DLGAP2: variants seen among roughly 807,000 people sequenced by gnomAD.
DLGAP2 encodes disks large-associated protein 2.
In DLGAP2, 26 loss-of-function variants were observed where a neutral mutation model predicts 100.3. That is an observed-to-expected ratio of 0.26 (90% CI 0.19 to 0.36). The LOEUF (loss-of-function observed/expected upper bound fraction) is 0.36, where lower values mean the gene tolerates loss of function less well. DLGAP2 is among the 10% of genes least tolerant of loss of function. DLGAP2 has a pLI of 1.00. For missense variants in DLGAP2, 1,858 were observed against 1,453.2 expected (o/e 1.28, Z -4.53); for synonymous variants, 886 against 630.1 (o/e 1.41, Z -6.08).
intron 2 of DLGAP2, among the ~76,000 whole-genome samples, chr8:1,205,717 C>A (rs996573004): frequency 2.0e-5 from 3 of 152,128 alleles, no homozygotes; most frequent in Non-Finnish European, 2.9e-5. Context: ...AGGTTCTCAG[C>A]GTCTCCATTT....
intron 2 of DLGAP2, among the ~76,000 whole-genome samples, chr8:1,129,247 T>C (rs368146725): frequency 1.4e-4 from 21 of 151,828 alleles, no homozygotes; most frequent in Admixed American, 3.3e-4. Context: ...CTAGTAAATA[T>C]AAAAAATTAG....
At chr8:1,383,334 C>G (rs552805167) in intron 3 of DLGAP2, among the ~76,000 whole-genome samples, 2 of 152,280 alleles carry the variant, frequency 1.3e-5, no homozygotes, top group Non-Finnish European at 2.9e-5. Flanking sequence ...GTGCTGCTGC[C>G]GCCACTTCAT....
At chr8:820,098 A>T (rs1159057357) in intron 1 of DLGAP2, among the ~76,000 whole-genome samples, 2 of 152,246 alleles carry the variant, frequency 1.3e-5, no homozygotes, top group Non-Finnish European at 2.9e-5. Flanking sequence ...TATGTGGGTA[A>T]CATTTTCAAG....
intron 2 of DLGAP2, among the ~76,000 whole-genome samples, chr8:934,460 T>C (rs886430542): frequency 6.6e-6 from 1 of 152,178 alleles, no homozygotes; most frequent in African/African-American, 2.4e-5. Context: ...TCCAGCTCCA[T>C]TGAGTGGGAC....
chr8:1,184,705 G>A (rs1311527553), intron 2 of DLGAP2, among the ~76,000 whole-genome samples: 1 of 152,218 alleles, frequency 6.6e-6, no homozygotes, highest in Non-Finnish European at 1.5e-5. Context: ...GGAGCAGGAG[G>A]AGGCTCAGGG....
intron 4 of DLGAP2, among the ~76,000 whole-genome samples, chr8:1,529,743 G>C (rs554255524): frequency 1.3e-5 from 2 of 152,214 alleles, no homozygotes; most frequent in African/African-American, 4.8e-5. Context: ...CGATATTCAC[G>C]TAGGTTCTTT....
intron 2 of DLGAP2, among the ~76,000 whole-genome samples, chr8:953,745 T>G (rs1025077781): frequency 4.6e-5 from 7 of 151,944 alleles, no homozygotes; most frequent in Admixed American, 1.3e-4. Flanking sequence ...AAGTGCCGAG[T>G]GGAGCTGACG....
At position 960,237 on chromosome 8, in the gene DLGAP2, C is replaced by CTTTTTTTTTTTTTTTTTTTTTTTTTT. The variant is rs71528625; in HGVS notation, c.73+52286_73+52287insTTTTTTTTTTTTTTTTTTTTTTTTTT. On this transcript the variant is annotated intron_variant, in intron 2 of 14. Coordinates refer to ENST00000637795, the MANE Select transcript of DLGAP2 (RefSeq NM_001346810.2). ...TTGGGCAATTATTCCTGAAGTATAT[C>CTTTTTTTTTTTTTTTTTTTTTTTTTT]TTTTTTTTTTTTTTTCCCGAGACAC... is the stretch of plus-strand genomic sequence containing the variant. Among the ~76,000 whole-genome samples, 94 of 44,646 alleles carry CTTTTTTTTTTTTTTTTTTTTTTTTTT rather than the reference C, an allele frequency of 2.1e-3. 38 individuals carry two copies. Among genetic ancestry groups the CTTTTTTTTTTTTTTTTTTTTTTTTTT allele is most frequent in the African/African-American group, 5.8e-3 (66 of 11,362 alleles). The allele number at this position is 44,646 out of a possible 152,430, so 29.3% of individuals were successfully genotyped here. A position where few individuals can be genotyped will look rare whatever the true frequency, so the allele number is the denominator to read the frequency against.
intron 1 of DLGAP2, among the ~76,000 whole-genome samples, chr8:804,503 T>C (rs1442559977): frequency 6.6e-6 from 1 of 152,186 alleles, no homozygotes; most frequent in Non-Finnish European, 1.5e-5. Context: ...CCGTGTGTTA[T>C]CAGGTGACGA....
intron 1 of DLGAP2, among the ~76,000 whole-genome samples, chr8:749,853 G>A (rs754229631): frequency 6.6e-6 from 1 of 152,162 alleles, no homozygotes; most frequent in Non-Finnish European, 1.5e-5. Flanking sequence ...CCAGAGGTGT[G>A]GGGAGGGTCC....
chr8:1,414,526 G>A (rs900925930), intron 3 of DLGAP2, among the ~76,000 whole-genome samples: 7 of 152,098 alleles, frequency 4.6e-5, no homozygotes, highest in South Asian at 2.1e-4. Context: ...GGAAGGTGGC[G>A]GGGAGGGACT....
intron 2 of DLGAP2, among the ~76,000 whole-genome samples, chr8:1,249,250 T>A (rs1798983761): frequency 6.6e-6 from 1 of 152,082 alleles, no homozygotes; most frequent in African/African-American, 2.4e-5. Flanking sequence ...AGAAGCAGAA[T>A]GGCAGACTCA....
intron 2 of DLGAP2, among the ~76,000 whole-genome samples, chr8:1,244,882 G>T (rs1366922122): frequency 2.6e-5 from 4 of 152,208 alleles, no homozygotes; most frequent in African/African-American, 9.6e-5. Context: ...AAGCATATGT[G>T]TAAAAAAGGT....
intron 6 of DLGAP2, among the ~76,000 whole-genome samples, chr8:1,613,154 A>G (rs1266661580): frequency 6.9e-6 from 1 of 145,894 alleles, no homozygotes; most frequent in Non-Finnish European, 1.5e-5. Flanking sequence ...AATGTCCAAC[A>G]ATGATAGACT....
intron 2 of DLGAP2, among the ~76,000 whole-genome samples, chr8:1,056,810 C>A (rs17814994): frequency 0.057 from 8,668 of 152,296 alleles, 397 homozygotes; most frequent in East Asian, 0.15. Flanking sequence ...TTACATCAGA[C>A]CAGCTGCAAT....
chr8:751,959 G>T (rs1820802061), intron 1 of DLGAP2, among the ~76,000 whole-genome samples: 1 of 152,186 alleles, frequency 6.6e-6, no homozygotes, highest in South Asian at 2.1e-4. Context: ...CTTATAGGAA[G>T]TTCATCTGAC....
intron 3 of DLGAP2, among the ~76,000 whole-genome samples, chr8:1,311,765 C>T (rs1800619708): frequency 6.6e-6 from 1 of 151,886 alleles, no homozygotes; most frequent in South Asian, 2.1e-4. Flanking sequence ...TGATAAAGGG[C>T]ATTTATGAAA....
At position 819,681 on chromosome 8, in the gene DLGAP2, G is replaced by A. The variant is rs117880877; in HGVS notation, c.18+81856G>A. Among the ~76,000 whole-genome samples, 106 of 152,292 alleles carry A rather than the reference G, an allele frequency of 7.0e-4. 1 individual carries two copies. The East Asian group carries it at 0.013, about 19-fold the overall frequency. On this transcript the variant is annotated intron_variant, in intron 1 of 14. Transcript: ENST00000637795. ...ATGACAGAGTAGTGGAAAAGTAGGCGCATCCTCAGAAAGAATAAGCCTCAC... is the reference window on the plus strand; with the variant it reads ...ATGACAGAGTAGTGGAAAAGTAGGCACATCCTCAGAAAGAATAAGCCTCAC...
At chr8:844,402 G>T (rs998626942) in intron 1 of DLGAP2, among the ~76,000 whole-genome samples, 1 of 152,226 alleles carries the variant, frequency 6.6e-6, no homozygotes, top group Non-Finnish European at 1.5e-5. Context: ...AGAAATATTG[G>T]TAGACGACAG....
Sources: gnomAD v4.1 joint callset for allele counts (sites outside exome capture counted in the v4.1 genomes callset) on GRCh38, gnomAD v4.1.1 for gene constraint, MANE v1.5 for transcripts, NCBI Gene and HGNC (gene_info 2026-07-23, HGNC 2026-07-21) for gene names.